Variants in MNAT1 observed in about 807,000 individuals in gnomAD.
MNAT1 encodes the protein CDK-activating kinase assembly factor MAT1.
Under a neutral mutation model 42.0 loss-of-function variants are expected in MNAT1, and 43 were observed. The ratio of observed to expected loss-of-function variants is 1.02; its 90% CI spans 0.80 to 1.32. MNAT1 has a LOEUF of 1.32. MNAT1 is among the 40% of genes most tolerant of loss of function. The pLI is 0.00. For synonymous variants in MNAT1, 118 were observed against 120.0 expected (o/e 0.98, Z 0.11); for missense variants, 306 against 350.4 (o/e 0.87, Z 1.01).
chr14:60,921,379 A>G (rs1402936584), intron 7 of MNAT1, among the ~76,000 whole-genome samples: 1 of 152,234 alleles, frequency 6.6e-6, no homozygotes, highest in Non-Finnish European at 1.5e-5. Context: ...TTTTGAAAAT[A>G]TAAGCAAACA....
intron 7 of MNAT1, among the ~76,000 whole-genome samples, chr14:60,943,877 A>G (rs1268229396): frequency 6.6e-6 from 1 of 152,214 alleles, no homozygotes; most frequent in Admixed American, 6.5e-5. Flanking sequence ...TTCCAGGATT[A>G]ATTATAACCG....
intron 7 of MNAT1, among the ~76,000 whole-genome samples, chr14:60,943,053 CTTTT>C (rs377454616): frequency 1.9e-5 from 1 of 53,102 alleles, no homozygotes; most frequent in Non-Finnish European, 3.3e-5. Context: ...TGTGTGTGCG[CTTTT>C]TTTTTTTTTT....
intron 1 of MNAT1, among the ~76,000 whole-genome samples, chr14:60,762,384 T>C (rs1218845536): frequency 6.6e-6 from 1 of 152,152 alleles, no homozygotes; most frequent in South Asian, 2.1e-4. Flanking sequence ...ATGGGAAGTA[T>C]GTAAAGACAC....
At chr14:60,739,742 G>GGTA (rs1835646350) in intron 1 of MNAT1, among the ~76,000 whole-genome samples, 4 of 152,182 alleles carry the variant, frequency 2.6e-5, no homozygotes, top group African/African-American at 9.6e-5. Context: ...TACAGAAAAT[G>GGTA]GTAATTTTTT....
chr14:60,904,516 T>C (rs1215695265), intron 7 of MNAT1, among the ~76,000 whole-genome samples: 1 of 152,164 alleles, frequency 6.6e-6, no homozygotes, highest in East Asian at 1.9e-4. Context: ...AAAATATGTT[T>C]CTGCTTGAAG....
chr14:60,795,505 G>A (rs2031985518), intron 1 of MNAT1, among the ~76,000 whole-genome samples: 3 of 152,160 alleles, frequency 2.0e-5, no homozygotes, highest in South Asian at 2.1e-4. Context: ...TACCAGAAAA[G>A]GGGATGCAGG....
At chr14:60,881,850 C>T (rs764968122) in intron 7 of MNAT1, among the ~76,000 whole-genome samples, 1 of 151,794 alleles carries the variant, frequency 6.6e-6, no homozygotes, top group Admixed American at 6.6e-5. Context: ...CTATAGTCAC[C>T]CTGTTGTTCT....
chr14:60,805,584 C>T (rs1414901410), intron 3 of MNAT1, among the ~76,000 whole-genome samples: 1 of 152,168 alleles, frequency 6.6e-6, no homozygotes, highest in Non-Finnish European at 1.5e-5. Context: ...TACCCCAACC[C>T]CTGACAAACA....
chr14:60,929,148 CAAAAAAAA>C (rs550828218), intron 7 of MNAT1, among the ~76,000 whole-genome samples: 18 of 56,080 alleles, frequency 3.2e-4, no homozygotes, highest in African/African-American at 8.2e-4. Flanking sequence ...CTCCATCTCC[CAAAAAAAA>C]AAAAAAAAAA....
At chr14:60,869,168 T>TACAGGC (rs1375752410) in intron 6 of MNAT1, among the ~76,000 whole-genome samples, 1 of 150,026 alleles carries the variant, frequency 6.7e-6, no homozygotes, top group Non-Finnish European at 1.5e-5. Flanking sequence ...TAATTGGGAC[T>TACAGGC]ACAGGCACAC....
chr14:60,888,685 A>T (rs1027039012), intron 7 of MNAT1, among the ~76,000 whole-genome samples: 43 of 147,418 alleles, frequency 2.9e-4, no homozygotes, highest in African/African-American at 1.0e-3. Flanking sequence ...ACATGATTGT[A>T]TATCTAGAAA....
At chr14:60,909,211 T>A (rs188890690) in intron 7 of MNAT1, among the ~76,000 whole-genome samples, 4 of 152,222 alleles carry the variant, frequency 2.6e-5, no homozygotes, top group African/African-American at 7.2e-5. Flanking sequence ...TCATTGTAGA[T>A]TCTGGATATT....
intron 7 of MNAT1, among the ~76,000 whole-genome samples, chr14:60,933,768 C>T (rs1469603777): frequency 6.6e-6 from 1 of 151,978 alleles, no homozygotes; most frequent in Non-Finnish European, 1.5e-5. Flanking sequence ...TATGGTATTC[C>T]TTTGAGAGGC....
intron 7 of MNAT1, among the ~76,000 whole-genome samples, chr14:60,933,922 G>C (rs1317883590): frequency 6.6e-6 from 1 of 152,088 alleles, no homozygotes; most frequent in African/African-American, 2.4e-5. Context: ...AGACACTAGA[G>C]AAAATTATCT....
chr14:60,875,843 T>C (rs72722285), intron 6 of MNAT1, among the ~76,000 whole-genome samples: 9 of 152,262 alleles, frequency 5.9e-5, no homozygotes, highest in Non-Finnish European at 1.2e-4. Context: ...AAGTATTATC[T>C]TCCTTGGAAG....
intron 1 of MNAT1, among the ~76,000 whole-genome samples, chr14:60,742,892 TCAG>T: frequency 6.6e-6 from 1 of 152,358 alleles, no homozygotes; most frequent in Middle Eastern, 3.4e-3. Flanking sequence ...TATCCATTCA[TCAG>T]TTGAAGAACA....
chr14:60,912,735 C>T (rs969584558), intron 7 of MNAT1, among the ~76,000 whole-genome samples: 3 of 152,168 alleles, frequency 2.0e-5, no homozygotes, highest in African/African-American at 7.2e-5. Flanking sequence ...GTAACCTGAC[C>T]TTTCTCTCTG....
chr14:60,917,041 G>A (rs1001137572), intron 7 of MNAT1, among the ~76,000 whole-genome samples: 4 of 152,146 alleles, frequency 2.6e-5, no homozygotes, highest in African/African-American at 4.8e-5. Context: ...AAACCCACTT[G>A]TAGTGGGTTT....
intron 7 of MNAT1, among the ~76,000 whole-genome samples, chr14:60,950,406 C>T: frequency 6.6e-6 from 1 of 152,116 alleles, no homozygotes; most frequent in Non-Finnish European, 1.5e-5. Context: ...TCATTTTCCA[C>T]TATATACCCT....
Sources: gnomAD v4.1 joint callset for allele counts (sites outside exome capture counted in the v4.1 genomes callset) on GRCh38, gnomAD v4.1.1 for gene constraint, MANE v1.5 for transcripts, NCBI Gene and HGNC (gene_info 2026-07-23, HGNC 2026-07-21) for gene names.